The following AARS1 variants were observed in gnomAD, a reference collection of about 807,000 sequenced individuals.
AARS1 encodes alanyl-tRNA synthetase 1.
A neutral mutation model predicts 108.9 loss-of-function variants in AARS1; 72 were observed. The observed-to-expected ratio is 0.66, with a 90% CI of 0.55 to 0.80. The LOEUF (loss-of-function observed/expected upper bound fraction) is 0.80, where lower values mean the gene tolerates loss of function less well. AARS1 is among the 30% of genes least tolerant of loss of function. The pLI, the probability that AARS1 is intolerant of heterozygous loss-of-function variation, is 0.00. For synonymous variants in AARS1, 489 were observed against 465.7 expected, an observed-to-expected ratio of 1.05 and a Z score of -0.64; for missense variants, 1,193 against 1,233.2, an observed-to-expected ratio of 0.97 and a Z score of 0.49.
At chr16:70,265,769 C>T in intron 9 of AARS1, 107 bp from the exon 10 acceptor site, 1 of 1,431,742 alleles carries the variant, frequency 7.0e-7, no homozygotes, top group Non-Finnish European at 9.6e-7. Flanking sequence ...AGACACAAGG[C>T]TATCAGTATC....
chr16:70,276,831 T>G (rs1960563599), intron 3 of AARS1, 135 bp downstream of exon 3: 3 of 1,207,474 alleles, frequency 2.5e-6, no homozygotes, highest in Non-Finnish European at 3.6e-6. Context: ...GTCTTAGAAT[T>G]AATAAATGCC....
In AARS1 at chr16:70,276,501, A is replaced by G; in HGVS notation, c.464T>C (p.Ile155Thr). The change falls in exon 4 of 21, where the codon ATC (isoleucine) becomes ACC (threonine). Residue 155 changes from isoleucine to threonine, a missense_variant. Physicochemically the swap from Ile to Thr is moderately conservative, Grantham distance 89 (BLOSUM62 -1). Transcript: ENST00000261772. ...GCATTCTTACCCCAAATTTTGCCAG[A>G]TCTGTTTGCATTCCAGATCTGCTTC... ...GLEADLECKQIWQNLGLDDTK... is the reference protein window; with the variant it reads ...GLEADLECKQTWQNLGLDDTK... 2 of 1,614,058 alleles carry G rather than the reference A, an allele frequency of 1.2e-6. No individual in the cohort carries two copies. Among genetic ancestry groups the G allele is most frequent in the Non-Finnish European group, 1.7e-6 (2 of 1,180,010 alleles).
intron 1 of AARS1, 66 bp downstream of exon 1, chr16:70,289,355 C>A: frequency 2.8e-6 from 1 of 355,414 alleles, no homozygotes; most frequent in Non-Finnish European, 5.6e-6. Flanking sequence ...GGCTGCGGAG[C>A]TTTCCCCCCA....
At chr16:70,266,386 C>T (rs1960263861) in intron 9 of AARS1, among the ~76,000 whole-genome samples, 1 of 151,712 alleles carries the variant, frequency 6.6e-6, no homozygotes, top group Non-Finnish European at 1.5e-5. Flanking sequence ...GTCCCAGCTA[C>T]TAGAGAGGCT....
chr16:70,269,499 A>T, intron 7 of AARS1, 119 bp downstream of exon 7: 1 of 1,435,992 alleles, frequency 7.0e-7, no homozygotes, highest in Non-Finnish European at 9.5e-7. Flanking sequence ...ACGCCATTGT[A>T]CTCCAGCCTG....
intron 2 of AARS1, among the ~76,000 whole-genome samples, chr16:70,282,060 G>A (rs1489001920): frequency 6.6e-6 from 1 of 152,006 alleles, no homozygotes; most frequent in Non-Finnish European, 1.5e-5. Context: ...GCTGAGGCAG[G>A]AGAATGGCAT....
intron 1 of AARS1, among the ~76,000 whole-genome samples, chr16:70,286,436 G>A (rs970446097): frequency 4.7e-5 from 7 of 149,542 alleles, no homozygotes; most frequent in Non-Finnish European, 1.0e-4. Flanking sequence ...AGGCAATGGT[G>A]CAATCACTTG....
chr16:70,282,329 A>AT (rs1567612451), intron 2 of AARS1, among the ~76,000 whole-genome samples: 1 of 40,494 alleles, frequency 2.5e-5, no homozygotes, highest in African/African-American at 1.1e-4. Context: ...ACTCCGTCTC[A>AT]GGAAAAAAAA....
At chr16:70,256,940 C>A (rs925096965) in intron 15 of AARS1, among the ~76,000 whole-genome samples, 2 of 151,816 alleles carry the variant, frequency 1.3e-5, no homozygotes, top group African/African-American at 4.8e-5. Flanking sequence ...CGTGGAGAAA[C>A]CCCCTCTCTA....
chr16:70,283,519 C>T (rs1897214921), intron 1 of AARS1, among the ~76,000 whole-genome samples: 1 of 151,836 alleles, frequency 6.6e-6, no homozygotes, highest in African/African-American at 2.4e-5. Context: ...AGCTTCAAGT[C>T]CTGAGGGAGT....
chr16:70,284,705 T>G (rs1960798503), intron 1 of AARS1, among the ~76,000 whole-genome samples: 1 of 152,198 alleles, frequency 6.6e-6, no homozygotes. Context: ...ATCACTGGCA[T>G]GGTGCTGTAG....
chr16:70,269,525 C>A (rs1253112178), intron 7 of AARS1, 93 bp downstream of exon 7: 2 of 1,564,100 alleles, frequency 1.3e-6, no homozygotes, highest in African/African-American at 1.4e-5. Flanking sequence ...CAGAGCAACA[C>A]TCAATCTCAC....
chr16:70,253,892 C>G (rs1401192847), intron 18 of AARS1, 27 bp downstream of exon 18: 3 of 1,614,234 alleles, frequency 1.9e-6, no homozygotes, highest in East Asian at 2.2e-5. Flanking sequence ...AGGAAACACT[C>G]TGGCCACTGG....
chr16:70,267,580 GTC>G, intron 9 of AARS1, 77 bp downstream of exon 9: 1 of 1,557,482 alleles, frequency 6.4e-7, no homozygotes. Context: ...AGAGCCCACA[GTC>G]AGTCTGTCAG....
rs35769308 is a variant in AARS1, at chr16:70,254,699, G to A, written c.2322C>T (p.Leu774=). Reference sequence around the variant, plus strand: ...CCTTCACTTTGGCTTCCATGACAGAGAGACATTTCTTCAAGCTCTCTGCTT... The same window carrying A: ...CCTTCACTTTGGCTTCCATGACAGAAAGACATTTCTTCAAGCTCTCTGCTT... The part of the protein sequence containing the change: ...LRKAESLKKC[L]SVMEAKVKAQ... The change falls in exon 17 of 21, where the codon CTC becomes CTT. Residue 774 remains leucine, a synonymous_variant. Transcript: ENST00000261772. 4 of 1,613,954 alleles carry A rather than the reference G, an allele frequency of 2.5e-6. No homozygotes were observed. Among genetic ancestry groups the A allele is most frequent in the Non-Finnish European group, 3.4e-6 (4 of 1,179,948 alleles).
chr16:70,261,397 A>C (rs1469796101), intron 12 of AARS1: 3 of 370,530 alleles, frequency 8.1e-6, no homozygotes, highest in Non-Finnish European at 1.5e-5. Flanking sequence ...GGAGTTCGAG[A>C]CCAGCTTGGC....
rs759713590 is a variant in AARS1, at chr16:70,267,713, G to A, written c.1168C>T (p.Arg390Cys). Residue 390 changes from arginine (R) to cysteine (C), a missense_variant, in exon 9 of 21, where the codon CGT (arginine) becomes TGT (cysteine). Coordinates refer to ENST00000261772, the MANE Select transcript of AARS1 (RefSeq NM_001605.3). ...VQFLKTLSRG[R>C]RILDRKIQSL... ...TGAATTTTCCTGTCCAGGATGCGACGCCCTCTGCTGAGAGTCTTGAGAAAC... is the reference window on the plus strand; with the variant it reads ...TGAATTTTCCTGTCCAGGATGCGACACCCTCTGCTGAGAGTCTTGAGAAAC... The A allele has an allele frequency of 8.7e-6, 14 of 1,614,092 alleles. No individual in the cohort carries two copies. The highest frequency in any genetic ancestry group is 1.7e-5 in the Admixed American group (1 of 59,998).
chr16:70,289,328 A>T (rs749989661), intron 1 of AARS1, 93 bp downstream of exon 1: 69 of 353,166 alleles, frequency 2.0e-4, no homozygotes, highest in Non-Finnish European at 3.6e-4. Flanking sequence ...GCGGGGCCTG[A>T]TCCTGGGGCC....
At chr16:70,258,407 T>C (rs1281548497) in intron 14 of AARS1, among the ~76,000 whole-genome samples, 190 bp from the exon 15 acceptor site, 1 of 152,172 alleles carries the variant, frequency 6.6e-6, no homozygotes, top group African/African-American at 2.4e-5. Context: ...TTCCAACTAT[T>C]TTGTTAAACT....
Sources: gnomAD v4.1 joint callset for allele counts (sites outside exome capture counted in the v4.1 genomes callset) on GRCh38, gnomAD v4.1.1 for gene constraint, MANE v1.5 for transcripts, NCBI Gene and HGNC (gene_info 2026-07-23, HGNC 2026-07-21) for gene names.